HECW2: variants seen among roughly 807,000 people sequenced by gnomAD.
HECW2 encodes E3 ubiquitin-protein ligase HECW2.
In HECW2, 61 loss-of-function variants were observed where a neutral mutation model predicts 175.2. The ratio of observed to expected loss-of-function variants is 0.35; its 90% CI spans 0.28 to 0.43. The LOEUF is 0.43. Ranked by LOEUF, HECW2 falls within the 20% of genes least tolerant of loss-of-function variation. The probability of loss-of-function intolerance (pLI) is 1.00; values close to 1 mark genes in which losing one functional copy is unlikely to be tolerated. For synonymous variants in HECW2, 671 were observed against 731.0 expected, an observed-to-expected ratio of 0.92 and a Z score of 1.32; for missense variants, 1,524 against 2,000.5, an observed-to-expected ratio of 0.76 and a Z score of 4.54.
intron 17 of HECW2, among the ~76,000 whole-genome samples, chr2:196,270,027 T>C (rs1346882782): frequency 6.6e-6 from 1 of 152,180 alleles, no homozygotes; most frequent in Non-Finnish European, 1.5e-5. Flanking sequence ...GTGATACTGA[T>C]GAAAACAGTT....
chr2:196,552,973 A>G lies in HECW2; in HGVS notation c.-36+40535T>C, dbSNP rs148924081. On this transcript the variant is annotated intron_variant, in intron 1 of 28. Transcript: ENST00000644978. ...ATCCCACCCGAGGAAAAATGTTTCCATTACCTAATCTGGATAAGGCCCCAG... is the reference window on the plus strand; with the variant it reads ...ATCCCACCCGAGGAAAAATGTTTCCGTTACCTAATCTGGATAAGGCCCCAG... Among the ~76,000 whole-genome samples the G allele has an allele frequency of 2.8e-3, 419 of 152,322 alleles. 3 individuals are homozygous for G. The highest frequency in any genetic ancestry group is 9.3e-3 in the African/African-American group (387 of 41,580).
At position 196,445,782 on chromosome 2, in the gene HECW2, G is replaced by A. The variant is rs568930407; in HGVS notation, c.-35-12324C>T. ...CCATGAAACATGGCATGCATTTTAGGCCATACTAGAGTACGACTAAAAAAT... is the reference window on the plus strand; with the variant it reads ...CCATGAAACATGGCATGCATTTTAGACCATACTAGAGTACGACTAAAAAAT... On this transcript the variant is annotated intron_variant, in intron 1 of 28. Transcript: ENST00000644978. Among the ~76,000 whole-genome samples, 4 of 152,230 alleles carry A rather than the reference G, an allele frequency of 2.6e-5. No individual in the cohort carries two copies. In the South Asian group the frequency reaches 8.3e-4, roughly 32 times the overall value.
intron 1 of HECW2, among the ~76,000 whole-genome samples, chr2:196,447,035 G>A (rs1286980490): frequency 1.3e-5 from 2 of 152,102 alleles, no homozygotes; most frequent in Non-Finnish European, 2.9e-5. Flanking sequence ...AGACTCATCT[G>A]GAAGAACCAA....
intron 1 of HECW2, among the ~76,000 whole-genome samples, chr2:196,576,578 T>C (rs1444009653): frequency 1.3e-5 from 2 of 152,140 alleles, no homozygotes; most frequent in African/African-American, 4.8e-5. Context: ...GGGGATATAT[T>C]CGTCAAACAT....
intron 23 of HECW2, 89 bp from the exon 24 acceptor site, chr2:196,222,429 A>C (rs1687703543): frequency 1.6e-6 from 2 of 1,267,592 alleles, no homozygotes; most frequent in Non-Finnish European, 2.2e-6. Context: ...AGAATTAAAG[A>C]GAAGAATAAG....
intron 2 of HECW2, among the ~76,000 whole-genome samples, chr2:196,406,029 T>TC (rs757165958): frequency 6.6e-6 from 1 of 152,152 alleles, no homozygotes; most frequent in Non-Finnish European, 1.5e-5. Flanking sequence ...CACTGACTAT[T>TC]CTTTTTCAGC....
chr2:196,325,133 C>A lies in HECW2; in HGVS notation c.588G>T (p.Gly196=), dbSNP rs1231796852. 1.3e-6 allele frequency: 2 copies of A among 1,597,136 alleles called. No individual in the cohort carries two copies. Among genetic ancestry groups the A allele is most frequent in the South Asian group, 2.3e-5 (2 of 88,184 alleles). Residue 196 remains glycine, a synonymous_variant, in exon 6 of 29, where the codon GGG becomes GGT. Coordinates refer to ENST00000644978, the MANE Select transcript of HECW2 (RefSeq NM_001348768.2). ...GATTGAAGAACATCCCTTTCTTTAG[C>A]CCAACTGCCCTAAGATCTTTAAAGA... ...SFTLSDLRAV[G]LKKGMFFNPD...
At chr2:196,513,245 C>G (rs1055658796) in intron 1 of HECW2, among the ~76,000 whole-genome samples, 18 of 152,128 alleles carry the variant, frequency 1.2e-4, no homozygotes, top group African/African-American at 4.1e-4. Flanking sequence ...TCACAAGAAT[C>G]CATATAAAAA....
At chr2:196,440,165 G>A (rs962231953) in intron 1 of HECW2, among the ~76,000 whole-genome samples, 6 of 152,082 alleles carry the variant, frequency 3.9e-5, no homozygotes, top group African/African-American at 2.4e-5. Flanking sequence ...TTATGAGGCC[G>A]GGGATAAAAC....
chr2:196,487,447 G>A (rs1687047662), intron 1 of HECW2, among the ~76,000 whole-genome samples: 1 of 152,142 alleles, frequency 6.6e-6, no homozygotes, highest in Non-Finnish European at 1.5e-5. Context: ...CATGAAGAAA[G>A]GCTCCCTGTT....
In HECW2 at chr2:196,335,088, G is replaced by T. The variant is rs142738601; in HGVS notation, c.401-570C>A. Reference sequence around the variant, plus strand: ...AGTATACTGTAGTAGATTCTCTAGTGACAGGATCTGTAAATTTATATTATT... The same window carrying T: ...AGTATACTGTAGTAGATTCTCTAGTTACAGGATCTGTAAATTTATATTATT... On this transcript the variant is annotated intron_variant, in intron 3 of 28. Transcript: ENST00000644978. Among the ~76,000 whole-genome samples the T allele has an allele frequency of 5.8e-3, 883 of 152,302 alleles. 8 individuals are homozygous for T. The highest frequency in any genetic ancestry group is 0.02 in the Middle Eastern group (6 of 294).
intron 1 of HECW2, among the ~76,000 whole-genome samples, chr2:196,454,208 C>T (rs1457370497): frequency 6.6e-6 from 1 of 152,056 alleles, no homozygotes; most frequent in African/African-American, 2.4e-5. Context: ...GATCCGCCCG[C>T]CTCGCCAGAT....
chr2:196,531,012 G>T (rs1203211644), intron 1 of HECW2, among the ~76,000 whole-genome samples: 2 of 151,976 alleles, frequency 1.3e-5, no homozygotes, highest in African/African-American at 4.8e-5. Flanking sequence ...CACTTCCTCC[G>T]CAATATTATC....
At chr2:196,216,540 A>AC (rs994311299) in intron 27 of HECW2, among the ~76,000 whole-genome samples, 4 of 152,310 alleles carry the variant, frequency 2.6e-5, no homozygotes, top group African/African-American at 7.2e-5. Flanking sequence ...CAAAAAAAAA[A>AC]AAAACACAAG....
chr2:196,536,276 T>C (rs995317823), intron 1 of HECW2, among the ~76,000 whole-genome samples: 7 of 152,210 alleles, frequency 4.6e-5, no homozygotes, highest in African/African-American at 1.7e-4. Flanking sequence ...AAAGAACTTC[T>C]GAGTTCATTA....
chr2:196,329,685 A>G, intron 4 of HECW2, 35 bp from the exon 5 acceptor site: 1 of 1,537,774 alleles, frequency 6.5e-7, no homozygotes, highest in East Asian at 2.2e-5. Context: ...AAGTTTCAGA[A>G]GCATATGATG....
intron 1 of HECW2, among the ~76,000 whole-genome samples, chr2:196,467,464 T>C (rs1697004119): frequency 6.6e-6 from 1 of 152,152 alleles, no homozygotes; most frequent in South Asian, 2.1e-4. Flanking sequence ...ATCCTCCTTG[T>C]AATCCTGTGA....
intron 2 of HECW2, among the ~76,000 whole-genome samples, chr2:196,379,110 A>C (rs910740029): frequency 6.6e-6 from 1 of 152,148 alleles, no homozygotes; most frequent in Non-Finnish European, 1.5e-5. Flanking sequence ...AATGTGAGAC[A>C]TTCTCAAGGA....
chr2:196,592,742 C>T (rs1691249449), intron 1 of HECW2: 1 of 152,108 alleles, frequency 6.6e-6, no homozygotes, highest in Non-Finnish European at 1.5e-5. Context: ...TCCCGCCGTC[C>T]GCTACCTGCG....
Sources: allele counts gnomAD v4.1 joint callset (sites outside exome capture counted in the v4.1 genomes callset), GRCh38; gene constraint gnomAD v4.1.1; transcripts MANE v1.5; gene names NCBI Gene and HGNC (gene_info 2026-07-23, HGNC 2026-07-21).